BMPR1A: variants seen among roughly 807,000 people sequenced by gnomAD.
BMPR1A encodes the protein bone morphogenetic protein receptor type-1A.
Under a neutral mutation model 66.0 loss-of-function variants are expected in BMPR1A, and 7 were observed. That is an observed-to-expected ratio of 0.11 (90% CI 0.06 to 0.20). BMPR1A has a LOEUF of 0.20. BMPR1A is among the 10% of genes least tolerant of loss of function. BMPR1A has a pLI of 1.00. For synonymous variants in BMPR1A, 200 were observed against 229.7 expected, an observed-to-expected ratio of 0.87 and a Z score of 1.17; for missense variants, 408 against 669.1, an observed-to-expected ratio of 0.61 and a Z score of 4.31.
intron 1 of BMPR1A, among the ~76,000 whole-genome samples, chr10:86,757,387 C>CAGG (rs1847890787): frequency 6.6e-6 from 1 of 152,170 alleles, no homozygotes; most frequent in Non-Finnish European, 1.5e-5. Context: ...GGGAAGGGGC[C>CAGG]CTGGCCCCCG....
At chr10:86,869,949 G>A (rs1013209975) in intron 2 of BMPR1A, among the ~76,000 whole-genome samples, 5 of 152,182 alleles carry the variant, frequency 3.3e-5, no homozygotes, top group Middle Eastern at 3.4e-3. Context: ...GAAGGAAACC[G>A]AGACCTGGAT....
intron 1 of BMPR1A, among the ~76,000 whole-genome samples, chr10:86,798,330 A>G (rs1013678795): frequency 2.0e-5 from 3 of 152,334 alleles, no homozygotes; most frequent in African/African-American, 7.2e-5. Flanking sequence ...CATGTTATCA[A>G]TAAAAGTAGC....
At chr10:86,824,335 C>G (rs1371129999) in intron 1 of BMPR1A, among the ~76,000 whole-genome samples, 1 of 152,108 alleles carries the variant, frequency 6.6e-6, no homozygotes, top group African/African-American at 2.4e-5. Context: ...TGAAACCTTC[C>G]TTGATTGCCC....
intron 1 of BMPR1A, among the ~76,000 whole-genome samples, chr10:86,822,658 G>T (rs1348375126): frequency 1.3e-5 from 2 of 150,858 alleles, no homozygotes; most frequent in African/African-American, 4.9e-5. Flanking sequence ...TTATTTTGAG[G>T]CAGAGTCTTA....
chr10:86,774,178 C>T (rs74835085), intron 1 of BMPR1A, among the ~76,000 whole-genome samples: 9,293 of 152,118 alleles, frequency 0.061, 935 homozygotes, highest in African/African-American at 0.21. Context: ...GAATTGTCCC[C>T]ATTTTCTAGG....
chr10:86,829,370 A>G (rs1842238227), intron 1 of BMPR1A, among the ~76,000 whole-genome samples: 2 of 152,164 alleles, frequency 1.3e-5, no homozygotes, highest in Admixed American at 6.5e-5. Context: ...TTTACAGGAA[A>G]TTGCAAAAAA....
intron 2 of BMPR1A, among the ~76,000 whole-genome samples, chr10:86,854,540 A>T (rs1033587050): frequency 6.6e-6 from 1 of 152,188 alleles, no homozygotes; most frequent in Non-Finnish European, 1.5e-5. Context: ...ATGTCCATGA[A>T]ATCTTCACAA....
chr10:86,770,719 AT>A (rs1261287223), intron 1 of BMPR1A, among the ~76,000 whole-genome samples: 1 of 152,226 alleles, frequency 6.6e-6, no homozygotes, highest in Non-Finnish European at 1.5e-5. Context: ...AAGACTGAAG[AT>A]TAACGTTTTA....
Position 86,892,266 on chromosome 10 carries a change from G to A in BMPR1A, c.333+37G>A, listed in dbSNP as rs746986965. On this transcript the variant is annotated intron_variant, in intron 5 of 12. Transcript: ENST00000372037. ...TTTGGGACCCATGAGACAAAGAAGG[G>A]AGGGGCCATATGAAAGCATCGATTT... The A allele has an allele frequency of 6.5e-6, 10 of 1,533,682 alleles. No homozygotes were observed. In the Admixed American group the frequency reaches 1.5e-4, roughly 23 times the overall value.
At chr10:86,786,688 T>C (rs1841523077) in intron 1 of BMPR1A, among the ~76,000 whole-genome samples, 1 of 152,246 alleles carries the variant, frequency 6.6e-6, no homozygotes, top group South Asian at 2.1e-4. Flanking sequence ...TTTTAAAGTT[T>C]GACGGAAGTC....
rs1323685323 is a variant in BMPR1A at position 86,801,394 on chromosome 10, G to T, written c.-267-37471G>T. Among the ~76,000 whole-genome samples the T allele has an allele frequency of 7.9e-5, 12 of 152,310 alleles. No homozygotes were observed. In the East Asian group the frequency reaches 2.3e-3, roughly 29 times the overall value. On this transcript the variant is annotated intron_variant, in intron 1 of 12. Transcript: ENST00000372037. ...CCACTCAAGCCATCCACCCACCTTG[G>T]TCTCTGAAAGTTCTGGGATTACGGG...
intron 3 of BMPR1A, among the ~76,000 whole-genome samples, chr10:86,887,884 T>C (rs1465944132): frequency 6.6e-6 from 1 of 152,204 alleles, no homozygotes; most frequent in East Asian, 1.9e-4. Flanking sequence ...ACCATCCAGC[T>C]AGGTAAAGCG....
intron 1 of BMPR1A, among the ~76,000 whole-genome samples, chr10:86,787,934 G>C (rs117194812): frequency 0.041 from 6,268 of 151,158 alleles, 192 homozygotes; most frequent in South Asian, 0.077. Flanking sequence ...CTAACACTCA[G>C]GATCACAGTT....
chr10:86,792,824 T>C (rs1382954026), intron 1 of BMPR1A, among the ~76,000 whole-genome samples: 2 of 152,192 alleles, frequency 1.3e-5, no homozygotes, highest in African/African-American at 4.8e-5. Context: ...TGGATTCTGT[T>C]GAAGAGATTT....
At chr10:86,837,896 A>G (rs758154045) in intron 1 of BMPR1A, among the ~76,000 whole-genome samples, 2 of 152,224 alleles carry the variant, frequency 1.3e-5, no homozygotes, top group Non-Finnish European at 2.9e-5. Context: ...GATATGCTAG[A>G]CCGTTTCAGG....
intron 2 of BMPR1A, chr10:86,855,222 AG>A (rs1842624852): frequency 4.2e-6 from 4 of 959,302 alleles, no homozygotes; most frequent in Non-Finnish European, 5.8e-6. Context: ...TTTTTTAACC[AG>A]AGAGGCTTCA....
chr10:86,778,107 A>G (rs775384122), intron 1 of BMPR1A, among the ~76,000 whole-genome samples: 1 of 151,968 alleles, frequency 6.6e-6, no homozygotes, highest in Non-Finnish European at 1.5e-5. Flanking sequence ...TGATGTTTTG[A>G]TACATATAAT....
intron 2 of BMPR1A, among the ~76,000 whole-genome samples, chr10:86,854,101 C>T (rs1490635331): frequency 6.6e-6 from 1 of 152,226 alleles, no homozygotes; most frequent in Non-Finnish European, 1.5e-5. Flanking sequence ...GGCACATTCT[C>T]TTTCCCAGGG....
intron 5 of BMPR1A, among the ~76,000 whole-genome samples, chr10:86,893,589 A>G (rs1181000895): frequency 2.0e-5 from 3 of 152,152 alleles, no homozygotes; most frequent in Non-Finnish European, 2.9e-5. Flanking sequence ...GGAGATCAAG[A>G]CCATCCGGCT....
Sources: gnomAD v4.1 joint callset for allele counts (sites outside exome capture counted in the v4.1 genomes callset) on GRCh38, gnomAD v4.1.1 for gene constraint, MANE v1.5 for transcripts, NCBI Gene and HGNC (gene_info 2026-07-23, HGNC 2026-07-21) for gene names.